The following MAML2 variants were observed in gnomAD, a reference collection of about 807,000 sequenced individuals.
MAML2 encodes the protein mastermind like transcriptional coactivator 2.
MAML2 carries 22 observed loss-of-function variants against 96.1 expected under a neutral mutation model. The ratio of observed to expected loss-of-function variants is 0.23; its 90% CI spans 0.16 to 0.33. The LOEUF is 0.33. Among genes scored for constraint, MAML2 ranks in the 10% least tolerant of loss-of-function variants. The probability of loss-of-function intolerance (pLI) is 1.00; values close to 1 mark genes in which losing one functional copy is unlikely to be tolerated. For synonymous variants in MAML2, 561 were observed against 521.3 expected (o/e 1.08, Z -1.04); for missense variants, 1,367 against 1,392.4 (o/e 0.98, Z 0.29).
At chr11:96,045,902 G>GTT (rs60206394) in intron 2 of MAML2, among the ~76,000 whole-genome samples, 21,859 of 135,816 alleles carry the variant, frequency 0.16, 2,173 homozygotes, top group East Asian at 0.39. Context: ...GCACACTTCT[G>GTT]TTTTTTTTTT....
At chr11:96,320,186 G>A (rs1277907456) in intron 1 of MAML2, among the ~76,000 whole-genome samples, 3 of 152,210 alleles carry the variant, frequency 2.0e-5, no homozygotes, top group Non-Finnish European at 4.4e-5. Context: ...GAGGAAAATG[G>A]AATGAAGTGG....
chr11:96,053,238 G>A (rs780009796), intron 2 of MAML2, among the ~76,000 whole-genome samples: 1 of 152,116 alleles, frequency 6.6e-6, no homozygotes, highest in Non-Finnish European at 1.5e-5. Context: ...ACTTCCTCTA[G>A]CCTGGAGTCC....
intron 2 of MAML2, among the ~76,000 whole-genome samples, chr11:96,009,562 C>T (rs922931472): frequency 4.6e-5 from 7 of 152,100 alleles, no homozygotes; most frequent in Non-Finnish European, 1.0e-4. Flanking sequence ...GAATAACTTC[C>T]AGTCAAATCT....
chr11:96,167,278 C>A (rs1280076723), intron 1 of MAML2, among the ~76,000 whole-genome samples: 1 of 152,142 alleles, frequency 6.6e-6, no homozygotes, highest in African/African-American at 2.4e-5. Flanking sequence ...CTTTTCTATT[C>A]CTGTTGGCCT....
chr11:96,183,422 G>T (rs1181081521), intron 1 of MAML2, among the ~76,000 whole-genome samples: 1 of 140,692 alleles, frequency 7.1e-6, no homozygotes, highest in African/African-American at 2.7e-5. Context: ...TTGAGACAAG[G>T]GTTCTCTCTC....
intron 2 of MAML2, among the ~76,000 whole-genome samples, chr11:96,001,616 C>T (rs1308485277): frequency 2.0e-5 from 3 of 147,654 alleles, no homozygotes; most frequent in Non-Finnish European, 4.5e-5. Flanking sequence ...ATCCATAGAG[C>T]TCAGGTTGAG....
intron 1 of MAML2, among the ~76,000 whole-genome samples, chr11:96,226,367 A>G (rs1862209464): frequency 6.6e-6 from 1 of 152,214 alleles, no homozygotes; most frequent in East Asian, 1.9e-4. Context: ...ATTCTATGCA[A>G]TGGCCTGTCT....
rs1864005919 is a variant in MAML2 at position 96,342,116 on chromosome 11, A to G, written c.-221T>C. 5.5e-6 allele frequency: 3 copies of G among 548,424 alleles called. No individual in the cohort carries two copies. The highest frequency in any genetic ancestry group is 3.8e-5 in the African/African-American group (2 of 53,082). The allele number at this position is 548,424 out of a possible 1,614,324, so 34.0% of individuals were successfully genotyped here. ...AGAATAGAAACCAACTGGGGGGAGG[A>G]TAAGTTGGAAACAAACCCTGATTAA... On this transcript the variant is annotated 5_prime_UTR_variant, in exon 1 of 5. Transcript: ENST00000524717.
chr11:96,094,261 A>G (rs1050479366), intron 1 of MAML2, among the ~76,000 whole-genome samples: 2 of 152,218 alleles, frequency 1.3e-5, no homozygotes, highest in South Asian at 4.1e-4. Context: ...ACCAAAACGA[A>G]AGTGTTAATT....
intron 2 of MAML2, among the ~76,000 whole-genome samples, chr11:96,032,442 C>G (rs1025746310): frequency 6.6e-6 from 1 of 151,906 alleles, no homozygotes; most frequent in African/African-American, 2.4e-5. Flanking sequence ...CAAAAATTAG[C>G]CGGGCGTGAT....
rs140397577 is a variant in MAML2, at chr11:96,010,292, T to C, written c.2140-18569A>G. On this transcript the variant is annotated intron_variant, in intron 2 of 4. Coordinates refer to ENST00000524717, the MANE Select transcript of MAML2 (RefSeq NM_032427.4). Reference sequence around the variant, plus strand: ...GTGACTATTTCTAAGAAAACTGGATTACTATTTAGAGATTTATATAAAAAA... The same window carrying C: ...GTGACTATTTCTAAGAAAACTGGATCACTATTTAGAGATTTATATAAAAAA... Among the ~76,000 whole-genome samples, 990 of 152,338 alleles carry C rather than the reference T, an allele frequency of 6.5e-3. 24 individuals are homozygous for C. The highest frequency in any genetic ancestry group is 0.048 in the Admixed American group (732 of 15,298).
At chr11:96,208,650 A>C (rs1472696023) in intron 1 of MAML2, among the ~76,000 whole-genome samples, 1 of 152,206 alleles carries the variant, frequency 6.6e-6, no homozygotes, top group Non-Finnish European at 1.5e-5. Flanking sequence ...TAATATGACA[A>C]AATAAAGTTC....
chr11:96,341,849 C>A lies in MAML2; in HGVS notation c.47G>T (p.Gly16Val), dbSNP rs1199167995. ...PPQAPAGGLGGASGAGLLGGG... is the reference protein window; with the variant it reads ...PPQAPAGGLGVASGAGLLGGG... ...TCCAAGGAGCCCCGCCCCAGAGGCCCCCCCTAGCCCTCCTGCGGGGGCCTG... is the reference window on the plus strand; with the variant it reads ...TCCAAGGAGCCCCGCCCCAGAGGCCACCCCTAGCCCTCCTGCGGGGGCCTG... Residue 16 changes from glycine to valine, a missense_variant, in exon 1 of 5, where the codon GGG becomes GTG. Coordinates refer to ENST00000524717, the MANE Select transcript of MAML2 (RefSeq NM_032427.4). The A allele has an allele frequency of 1.3e-6, 2 of 1,561,218 alleles. No homozygotes were observed. The highest frequency in any genetic ancestry group is 1.9e-5 in the Admixed American group (1 of 53,496).
chr11:96,215,638 T>A (rs1445879710), intron 1 of MAML2, among the ~76,000 whole-genome samples: 6 of 151,672 alleles, frequency 4.0e-5, no homozygotes. Context: ...ACCGGTTAAT[T>A]AAGCCCACTG....
chr11:96,030,893 G>A (rs1172642103), intron 2 of MAML2, among the ~76,000 whole-genome samples: 4 of 152,198 alleles, frequency 2.6e-5, no homozygotes, highest in African/African-American at 9.7e-5. Context: ...CAGTTTGAGT[G>A]ACACTCACTA....
rs147559406 is a variant in MAML2 at position 96,183,717 on chromosome 11, T to A, written c.514-90200A>T. Among the ~76,000 whole-genome samples the A allele has an allele frequency of 4.5e-3, 680 of 152,222 alleles. 4 individuals are homozygous for A. The highest frequency in any genetic ancestry group is 0.01 in the Middle Eastern group (3 of 294). Reference sequence around the variant, plus strand: ...AAGCCACCACACCCAGCCCATTTCTTTTATTATTACTTTATGTTTCAGAGC... The same window carrying A: ...AAGCCACCACACCCAGCCCATTTCTATTATTATTACTTTATGTTTCAGAGC... On this transcript the variant is annotated intron_variant, in intron 1 of 4. Coordinates refer to ENST00000524717, the MANE Select transcript of MAML2 (RefSeq NM_032427.4).
intron 2 of MAML2, among the ~76,000 whole-genome samples, chr11:96,031,351 GTGTGTGTT>G (rs1294863162): frequency 4.1e-4 from 63 of 152,136 alleles, no homozygotes; most frequent in African/African-American, 1.1e-3. Flanking sequence ...GTGTGTGTGT[GTGTGTGTT>G]TGTGTGTTTT....
At chr11:96,158,737 A>T (rs1165780500) in intron 1 of MAML2, among the ~76,000 whole-genome samples, 1 of 152,244 alleles carries the variant, frequency 6.6e-6, no homozygotes, top group Non-Finnish European at 1.5e-5. Context: ...TCTTATTAAA[A>T]TTATTATTTA....
At chr11:96,291,580 G>T (rs535986852) in intron 1 of MAML2, among the ~76,000 whole-genome samples, 7 of 152,230 alleles carry the variant, frequency 4.6e-5, no homozygotes, top group African/African-American at 1.7e-4. Context: ...TCATTTTAGA[G>T]ATTCTATTTT....
Sources: gnomAD v4.1 joint callset for allele counts (sites outside exome capture counted in the v4.1 genomes callset) on GRCh38, gnomAD v4.1.1 for gene constraint, MANE v1.5 for transcripts, NCBI Gene and HGNC (gene_info 2026-07-23, HGNC 2026-07-21) for gene names.